CHL1: variants seen among roughly 807,000 people sequenced by gnomAD.
CHL1 encodes the protein cell adhesion molecule L1 like.
In CHL1, 96 loss-of-function variants were observed where a neutral mutation model predicts 141.9. The ratio of observed to expected loss-of-function variants is 0.68; its 90% CI spans 0.57 to 0.80. The LOEUF is 0.80. Among genes scored for constraint, CHL1 ranks in the 30% least tolerant of loss-of-function variants. The probability of loss-of-function intolerance (pLI) is 0.00; values close to 1 mark genes in which losing one functional copy is unlikely to be tolerated. For synonymous variants in CHL1, 613 were observed against 502.2 expected, an observed-to-expected ratio of 1.22 and a Z score of -2.95; for missense variants, 1,820 against 1,457.2, an observed-to-expected ratio of 1.25 and a Z score of -4.05.
At chr3:383,541 T>G (rs1460883097) in intron 18 of CHL1, among the ~76,000 whole-genome samples, 1 of 152,162 alleles carries the variant, frequency 6.6e-6, no homozygotes, top group Non-Finnish European at 1.5e-5. Flanking sequence ...TTTTAAAAAT[T>G]TTAAAAGCAG....
At position 222,171 on chromosome 3, in the gene CHL1, C is replaced by CTA. The variant is rs1559291946; in HGVS notation, c.-174-22442_-174-22441insTA. Among the ~76,000 whole-genome samples, 4 of 152,336 alleles carry CTA rather than the reference C, an allele frequency of 2.6e-5. No homozygotes were observed. In the South Asian group the frequency reaches 8.3e-4, roughly 32 times the overall value. On this transcript the variant is annotated intron_variant, in intron 1 of 27. Transcript: ENST00000256509. ...CCTCAAATTTAGTGGCTTAAACCAA[C>CTA]ATACCTTTTTCTGTTAGAGATCTGA...
chr3:388,471 C>G (rs544399891), intron 19 of CHL1, among the ~76,000 whole-genome samples: 1 of 149,904 alleles, frequency 6.7e-6, no homozygotes, highest in Non-Finnish European at 1.5e-5. Context: ...CGCTTGCACC[C>G]GGGAGATGGA....
chr3:323,039 G>T (rs992006135), intron 3 of CHL1, among the ~76,000 whole-genome samples: 2 of 151,882 alleles, frequency 1.3e-5, no homozygotes, highest in African/African-American at 4.8e-5. Flanking sequence ...TCTGCTATGC[G>T]TCAAAGTATT....
intron 9 of CHL1, among the ~76,000 whole-genome samples, chr3:345,345 C>T (rs1702675371): frequency 6.6e-6 from 1 of 152,016 alleles, no homozygotes. Context: ...TACTCTGCTG[C>T]CCTTTGCACA....
At chr3:369,832 C>G (rs1705395979) in intron 15 of CHL1, among the ~76,000 whole-genome samples, 1 of 152,124 alleles carries the variant, frequency 6.6e-6, no homozygotes, top group Non-Finnish European at 1.5e-5. Context: ...TATCAAAGGC[C>G]TTTTCTGCAT....
intron 2 of CHL1, among the ~76,000 whole-genome samples, chr3:286,790 C>G (rs1385572502): frequency 6.6e-6 from 1 of 152,104 alleles, no homozygotes; most frequent in Admixed American, 6.6e-5. Flanking sequence ...ATTCCCAGAA[C>G]TGAGGGTTCT....
rs1370040404 is a variant in CHL1, at chr3:407,391, C to A, written c.*1680C>A. On this transcript the variant is annotated 3_prime_UTR_variant, in exon 28 of 28. Transcript: ENST00000256509. Reference sequence around the variant, plus strand: ...TGTCCTTTTGAACCTCACGAGTCATCCAGAATGTATAGACAGGAAAAGCAT... The same window carrying A: ...TGTCCTTTTGAACCTCACGAGTCATACAGAATGTATAGACAGGAAAAGCAT... The A allele has an allele frequency of 3.3e-5, 5 of 152,028 alleles. No homozygotes were observed. Among genetic ancestry groups the A allele is most frequent in the East Asian group, 1.9e-4 (1 of 5,178 alleles). The allele number at this position is 152,028 out of a possible 1,614,324, so 9.4% of individuals were successfully genotyped here.
intron 26 of CHL1, among the ~76,000 whole-genome samples, chr3:400,087 C>T (rs146602651): frequency 2.0e-3 from 310 of 152,206 alleles, no homozygotes; most frequent in Non-Finnish European, 3.9e-3. Flanking sequence ...ACTAGTATTG[C>T]TTAGTATTCA....
At chr3:323,714 C>T (rs558078654) in intron 3 of CHL1, among the ~76,000 whole-genome samples, 2 of 152,186 alleles carry the variant, frequency 1.3e-5, no homozygotes, top group South Asian at 4.1e-4. Flanking sequence ...AATCCATCTG[C>T]CTTCTCAAGA....
rs139704815 is a variant in CHL1, at chr3:347,001, G to C, written c.848+2292G>C. Among the ~76,000 whole-genome samples the C allele has an allele frequency of 2.0e-4, 30 of 152,128 alleles. No homozygotes were observed. The East Asian group carries it at 5.4e-3, about 27-fold the overall frequency. On this transcript the variant is annotated intron_variant, in intron 9 of 27. Coordinates refer to ENST00000256509, the MANE Select transcript of CHL1 (RefSeq NM_006614.4). ...TGAGATATAATTTATCTCAAGATAG[G>C]TCTATATCTTGGCAAGAATTTCCAG... is the stretch of plus-strand genomic sequence containing the variant.
At chr3:211,330 G>C (rs533265178) in intron 1 of CHL1, among the ~76,000 whole-genome samples, 2 of 152,308 alleles carry the variant, frequency 1.3e-5, no homozygotes, top group Non-Finnish European at 2.9e-5. Context: ...CTAGCGTGTG[G>C]CTAGTACCAT....
intron 2 of CHL1, among the ~76,000 whole-genome samples, chr3:295,352 A>T (rs1008890439): frequency 1.3e-5 from 2 of 152,216 alleles, no homozygotes; most frequent in Non-Finnish European, 2.9e-5. Flanking sequence ...GCCACAGAAG[A>T]AGCAGCTGCT....
At chr3:362,950 C>T (rs1309662089) in intron 13 of CHL1, among the ~76,000 whole-genome samples, 1 of 152,152 alleles carries the variant, frequency 6.6e-6, no homozygotes, top group South Asian at 2.1e-4. Flanking sequence ...GCTCTGAGGA[C>T]ACATGCAAAC....
At chr3:254,701 G>C (rs1001119167) in intron 2 of CHL1, among the ~76,000 whole-genome samples, 2 of 152,286 alleles carry the variant, frequency 1.3e-5, no homozygotes, top group East Asian at 3.9e-4. Context: ...CATCTGGTGA[G>C]GGCCTTCTCG....
chr3:307,126 A>G lies in CHL1; in HGVS notation c.-94-12557A>G, dbSNP rs990325491. ...TGACCTAATTTTTGGTCATTAGGTTACTTTTTATAGGTATCAATATTTTCC... is the reference window on the plus strand; with the variant it reads ...TGACCTAATTTTTGGTCATTAGGTTGCTTTTTATAGGTATCAATATTTTCC... On this transcript the variant is annotated intron_variant, in intron 2 of 27. Transcript: ENST00000256509. Among the ~76,000 whole-genome samples the G allele has an allele frequency of 5.9e-5, 9 of 152,178 alleles. No individual in the cohort carries two copies. The South Asian group carries it at 1.2e-3, about 21-fold the overall frequency.
At chr3:404,761 G>A (rs1480149543) in intron 27 of CHL1, among the ~76,000 whole-genome samples, 1 of 152,154 alleles carries the variant, frequency 6.6e-6, no homozygotes, top group East Asian at 1.9e-4. Flanking sequence ...AGACTTGGAG[G>A]CCAGGAGCTC....
intron 2 of CHL1, among the ~76,000 whole-genome samples, chr3:304,871 G>T (rs578027531): frequency 6.6e-6 from 1 of 151,726 alleles, no homozygotes; most frequent in Non-Finnish European, 1.5e-5. Flanking sequence ...TTCTCTTGTG[G>T]GCATTTAGTG....
intron 25 of CHL1, 83 bp from the exon 26 acceptor site, chr3:398,934 A>G (rs1708895720): frequency 7.5e-7 from 1 of 1,327,228 alleles, no homozygotes; most frequent in Non-Finnish European, 1.1e-6. Context: ...ATGTTTAAAA[A>G]TGATGTCTAA....
At chr3:389,093 T>A (rs1301299161) in intron 19 of CHL1, among the ~76,000 whole-genome samples, 159 bp from the exon 20 acceptor site, 6 of 152,176 alleles carry the variant, frequency 3.9e-5, no homozygotes, top group Non-Finnish European at 8.8e-5. Context: ...ATGACAAAAC[T>A]TTTTCACAAC....
Sources: allele counts gnomAD v4.1 joint callset (sites outside exome capture counted in the v4.1 genomes callset), GRCh38; gene constraint gnomAD v4.1.1; transcripts MANE v1.5; gene names NCBI Gene and HGNC (gene_info 2026-07-23, HGNC 2026-07-21).